The following ZBTB11 variants were observed in gnomAD, a reference collection of about 807,000 sequenced individuals.
ZBTB11 encodes the protein zinc finger and BTB domain-containing protein 11.
A neutral mutation model predicts 113.1 loss-of-function variants in ZBTB11; 68 were observed. The ratio of observed to expected loss-of-function variants is 0.60; its 90% CI spans 0.49 to 0.74. ZBTB11 has a LOEUF of 0.74. Among genes scored for constraint, ZBTB11 ranks in the 30% least tolerant of loss-of-function variants. The probability of loss-of-function intolerance (pLI) is 0.00; values close to 1 mark genes in which losing one functional copy is unlikely to be tolerated. For missense variants in ZBTB11, 1,104 were observed against 1,279.4 expected, an observed-to-expected ratio of 0.86 and a Z score of 2.09; for synonymous variants, 518 against 452.6, an observed-to-expected ratio of 1.14 and a Z score of -1.83.
intron 3 of ZBTB11, among the ~76,000 whole-genome samples, chr3:101,667,603 G>C (rs146535088): frequency 4.3e-4 from 65 of 152,122 alleles, no homozygotes; most frequent in African/African-American, 1.6e-3. Context: ...AAAACTGAGG[G>C]GACTCCCCAC....
chr3:101,667,001 G>A (rs1050889043), intron 3 of ZBTB11, among the ~76,000 whole-genome samples: 22 of 152,120 alleles, frequency 1.4e-4, no homozygotes, highest in African/African-American at 4.3e-4. Flanking sequence ...AGCCTGCCTC[G>A]GCCTCCCAAA....
chr3:101,660,060 A>G, intron 5 of ZBTB11, 32 bp from the exon 6 acceptor site: 1 of 1,591,564 alleles, frequency 6.3e-7, no homozygotes, highest in Non-Finnish European at 8.6e-7. Flanking sequence ...CTCTAAATGT[A>G]TTTCCATTAC....
chr3:101,675,873 T>C (rs1411481664), intron 1 of ZBTB11, among the ~76,000 whole-genome samples: 2 of 152,274 alleles, frequency 1.3e-5, no homozygotes, highest in Admixed American at 1.3e-4. Context: ...GGCGGGAGGA[T>C]GGCTTGAGGC....
In ZBTB11 at chr3:101,662,772, T is replaced by G. The variant is rs536476182; in HGVS notation, c.1800+1766A>C. 1.2e-4 allele frequency among the ~76,000 whole-genome samples: 19 copies of G among 152,246 alleles called. No homozygotes were observed. The East Asian group carries it at 3.7e-3, about 29-fold the overall frequency. ...TCTTGGATTCCTCAAAATTGTCTTT[T>G]TTTTTTGGAGACAGGGTCTCACTTT... On this transcript the variant is annotated intron_variant, in intron 5 of 10. Coordinates refer to ENST00000312938, the MANE Select transcript of ZBTB11 (RefSeq NM_014415.4).
rs1936949991 is a variant in ZBTB11, at chr3:101,664,658, A to G, written c.1680T>C (p.Ala560=). Residue 560 remains alanine, a synonymous_variant, in exon 5 of 11, where the codon GCT becomes GCC. Coordinates refer to ENST00000312938, the MANE Select transcript of ZBTB11 (RefSeq NM_014415.4). ...GAGATGCTTCTTCTGTGTTCTCTTT[A>G]GCATCTCTTTTTGGCTGTTTCATCT... ...GKKMKQPKRD[A]KENTEEASHK... The G allele has an allele frequency of 6.2e-7, 1 of 1,612,700 alleles. No homozygotes were observed.
In ZBTB11 at chr3:101,677,048, G is replaced by A; in HGVS notation, c.-134C>T. 2.0e-6 allele frequency: 2 copies of A among 991,148 alleles called. No homozygotes were observed. Among genetic ancestry groups the A allele is most frequent in the African/African-American group, 1.7e-5 (1 of 59,916 alleles). 61.4% of individuals were successfully genotyped at this position (991,148 alleles called of 1,614,324 possible). A position where few individuals can be genotyped will look rare whatever the true frequency, so the allele number is the denominator to read the frequency against. ...GCGCCTTTGGCGAGCGCTCTTCGAC[G>A]GCTCCCTTAGTCCGAAGGAAAAGCG... On this transcript the variant is annotated 5_prime_UTR_variant, in exon 1 of 11. Transcript: ENST00000312938.
rs1444955774 is a variant in ZBTB11, at chr3:101,676,825, C to G, written c.90G>C (p.Lys30Asn). Reference protein sequence around the residue: ...PYAPGTEGNVKRKIRKAAACY... With the variant: ...PYAPGTEGNVNRKIRKAAACY... The stretch of plus-strand genomic sequence containing the variant: ...AGGCGGCAGCTTTTCGGATTTTACG[C>G]TTGACATTGCCCTCGGTGCCCGGCG... Residue 30 changes from lysine (K) to asparagine (N), a missense_variant, in exon 1 of 11, where the codon AAG becomes AAC. By Grantham distance (94) the Lys-to-Asn change is moderately conservative. This residue lies in a region of ZBTB11 where 245 missense variants were observed against 272.5 expected (regional missense o/e 0.90). Coordinates refer to ENST00000312938, the MANE Select transcript of ZBTB11 (RefSeq NM_014415.4). 6.2e-7 allele frequency: 1 copy of G among 1,612,702 alleles called. No homozygotes were observed. Among genetic ancestry groups the G allele is most frequent in the Non-Finnish European group, 8.5e-7 (1 of 1,179,660 alleles).
In ZBTB11 at chr3:101,676,627, C is replaced by G; in HGVS notation, c.288G>C (p.Leu96Phe). The G allele has an allele frequency of 6.5e-7, 1 of 1,534,138 alleles. No individual in the cohort carries two copies. Reference sequence around the variant, plus strand: ...CACCTCGCCACCAGTACGTCTTGGACAAGTAGTGCCAGGTCTGATGCCGGG... The same window carrying G: ...CACCTCGCCACCAGTACGTCTTGGAGAAGTAGTGCCAGGTCTGATGCCGGG... ...HHTRHQTWHY[L>F]SKTYWWRGIL... The change falls in exon 1 of 11, where the codon TTG becomes TTC. Residue 96 changes from leucine (L) to phenylalanine (F), a missense_variant. By Grantham distance (22) the Leu-to-Phe change is conservative. This residue lies in a region of ZBTB11 where 245 missense variants were observed against 272.5 expected (regional missense o/e 0.90). Transcript: ENST00000312938.
At chr3:101,653,546 T>C (rs1936742084) in intron 8 of ZBTB11, among the ~76,000 whole-genome samples, 2 of 152,240 alleles carry the variant, frequency 1.3e-5, no homozygotes, top group South Asian at 4.1e-4. Flanking sequence ...CCCAGACTCC[T>C]AGACTTTATA....
intron 10 of ZBTB11, 98 bp downstream of exon 10, chr3:101,652,398 A>C: frequency 8.2e-7 from 1 of 1,212,980 alleles, no homozygotes; most frequent in Non-Finnish European, 1.1e-6. Context: ...TATGAAATTA[A>C]CCTTTTACCA....
At position 101,651,275 on chromosome 3, in the gene ZBTB11, T is replaced by C; in HGVS notation, c.3053A>G (p.Gln1018Arg). ...TTGTGCTAATACATAATTAACCACT[T>C]GCATAATACTTTGGTCAGAAAGTGT... ...VSTLSDQSIMQVVNYVLAQQQ... is the reference protein window; with the variant it reads ...VSTLSDQSIMRVVNYVLAQQQ... Residue 1018 changes from glutamine to arginine, a missense_variant, in exon 11 of 11, where the codon CAA becomes CGA. Gln to Arg is a conservative substitution (Grantham distance 43, BLOSUM62 1). Coordinates refer to ENST00000312938, the MANE Select transcript of ZBTB11 (RefSeq NM_014415.4). 1 of 1,614,202 alleles carries C rather than the reference T, an allele frequency of 6.2e-7. No individual in the cohort carries two copies. Among genetic ancestry groups the C allele is most frequent in the Non-Finnish European group, 8.5e-7 (1 of 1,180,036 alleles).
chr3:101,663,443 A>G (rs1366748511), intron 5 of ZBTB11, among the ~76,000 whole-genome samples: 1 of 152,200 alleles, frequency 6.6e-6, no homozygotes, highest in Non-Finnish European at 1.5e-5. Flanking sequence ...TCAGAATAAG[A>G]TATTAAAAAA....
At chr3:101,669,983 C>T (rs546129497) in intron 3 of ZBTB11, among the ~76,000 whole-genome samples, 35 of 152,096 alleles carry the variant, frequency 2.3e-4, no homozygotes, top group African/African-American at 5.3e-4. Context: ...CATGCGCCAC[C>T]GTGCCCAACT....
At chr3:101,672,759 T>A (rs1937103003) in intron 1 of ZBTB11, among the ~76,000 whole-genome samples, 2 of 152,234 alleles carry the variant, frequency 1.3e-5, no homozygotes, top group Non-Finnish European at 2.9e-5. Context: ...TGGCTCAAGC[T>A]AATACTTCTC....
intron 5 of ZBTB11, among the ~76,000 whole-genome samples, chr3:101,664,137 C>T (rs1426633302): frequency 6.6e-6 from 1 of 152,160 alleles, no homozygotes; most frequent in Non-Finnish European, 1.5e-5. Flanking sequence ...ATTCCTGAGA[C>T]ATTTTGGTGG....
chr3:101,658,558 T>C (rs887611813), intron 6 of ZBTB11, among the ~76,000 whole-genome samples: 1 of 150,308 alleles, frequency 6.7e-6, no homozygotes, highest in African/African-American at 2.5e-5. Context: ...AATTTTGCTC[T>C]TGTTGTCCAG....
Position 101,665,257 on chromosome 3 carries a change from C to T in ZBTB11, c.1330G>A (p.Glu444Lys), listed in dbSNP as rs759999999. 1.2e-6 allele frequency: 2 copies of T among 1,614,150 alleles called. No individual in the cohort carries two copies. The highest frequency in any genetic ancestry group is 1.7e-6 in the Non-Finnish European group (2 of 1,180,028). ...TCTGGCGAGCTACTAATTACATTCT[C>T]TTTTGAAAGTTTAGGGTGTATATTA... is the stretch of plus-strand genomic sequence containing the variant. ...VSNIHPKLSK[E>K]NVISSSPEDS... Residue 444 changes from glutamate to lysine, a missense_variant, in exon 4 of 11, where the codon GAG becomes AAG. This residue lies in a region of ZBTB11 where 535 missense variants were observed against 518.6 expected (regional missense o/e 1.03). Coordinates refer to ENST00000312938, the MANE Select transcript of ZBTB11 (RefSeq NM_014415.4).
Position 101,659,983 on chromosome 3 carries a change from G to A in ZBTB11, c.1846C>T (p.Leu616Phe). 6.2e-7 allele frequency: 1 copy of A among 1,614,154 alleles called. No homozygotes were observed. The highest frequency in any genetic ancestry group is 8.5e-7 in the Non-Finnish European group (1 of 1,180,004). Residue 616 changes from leucine to phenylalanine, a missense_variant, in exon 6 of 11, where the codon CTT becomes TTT. By Grantham distance (22) the Leu-to-Phe change is conservative (BLOSUM62 0). Coordinates refer to ENST00000312938, the MANE Select transcript of ZBTB11 (RefSeq NM_014415.4). ...FQYSASLRAH[L>F]IRHTRKDAPS... ...GCATCTTTTCTGGTATGACGAATAAGATGTGCTCGCAAAGAGGCACTGTAC... is the reference window on the plus strand; with the variant it reads ...GCATCTTTTCTGGTATGACGAATAAAATGTGCTCGCAAAGAGGCACTGTAC...
At position 101,663,416 on chromosome 3, in the gene ZBTB11, T is replaced by C. The variant is rs1936926614; in HGVS notation, c.1800+1122A>G. ...TCTTTTGTCATGAGTCAATAATCCCTAATATCTGTTCATATTTCAGAATAA... is the reference window on the plus strand; with the variant it reads ...TCTTTTGTCATGAGTCAATAATCCCCAATATCTGTTCATATTTCAGAATAA... On this transcript the variant is annotated intron_variant, in intron 5 of 10. Transcript: ENST00000312938. Among the ~76,000 whole-genome samples the C allele has an allele frequency of 1.3e-5, 2 of 152,216 alleles. 1 individual carries two copies. Among genetic ancestry groups the C allele is most frequent in the South Asian group, 4.1e-4 (2 of 4,830 alleles).
Sources: allele counts gnomAD v4.1 joint callset (sites outside exome capture counted in the v4.1 genomes callset), GRCh38; gene constraint gnomAD v4.1.1; regional missense constraint gnomAD v4.1.1; transcripts MANE v1.5; gene names NCBI Gene and HGNC (gene_info 2026-07-23, HGNC 2026-07-21).